Variants in STX7 observed in about 807,000 individuals in gnomAD.
STX7 encodes syntaxin-7.
A neutral mutation model predicts 39.6 loss-of-function variants in STX7; 34 were observed. The ratio of observed to expected loss-of-function variants is 0.86; its 90% CI spans 0.65 to 1.14. STX7 has a LOEUF of 1.14. Ranked by LOEUF, STX7 falls within the 50% of genes most tolerant of loss-of-function variation. STX7 has a pLI of 0.00. For missense variants in STX7, 284 were observed against 310.4 expected, an observed-to-expected ratio of 0.92 and a Z score of 0.64; for synonymous variants, 119 against 99.1, an observed-to-expected ratio of 1.20 and a Z score of -1.19.
intron 2 of STX7, among the ~76,000 whole-genome samples, chr6:132,488,092 C>T (rs1416805239): frequency 1.3e-5 from 2 of 152,146 alleles, no homozygotes; most frequent in African/African-American, 2.4e-5. Flanking sequence ...CTTTCATTTA[C>T]GTTCAGTTCA....
Position 132,459,213 on chromosome 6 carries a change from AAC to A in STX7, c.*1543_*1544del, listed in dbSNP as rs1171930631. 6.6e-6 allele frequency: 1 copy of A among 152,216 alleles called. No homozygotes were observed. Among genetic ancestry groups the A allele is most frequent in the Non-Finnish European group, 1.5e-5 (1 of 68,056 alleles). 9.4% of individuals were successfully genotyped at this position (152,216 alleles called of 1,614,324 possible). On this transcript the variant is annotated 3_prime_UTR_variant, in exon 10 of 10. Transcript: ENST00000367941. ...TGTTCTAGGGCAGTCTGATTCTGGC[AAC>A]AGGAGTCTCTAAGTTCCAATCACTC...
At chr6:132,486,762 T>G (rs1209026794) in intron 2 of STX7, among the ~76,000 whole-genome samples, 1 of 150,160 alleles carries the variant, frequency 6.7e-6, no homozygotes, top group Admixed American at 6.7e-5. Flanking sequence ...CTGCTGCCAG[T>G]TCAAGCGATT....
intron 2 of STX7, among the ~76,000 whole-genome samples, chr6:132,492,864 T>A (rs560493615): frequency 9.2e-5 from 14 of 152,308 alleles, no homozygotes; most frequent in African/African-American, 3.4e-4. Context: ...CAAAGCAGGG[T>A]ATATAGGAAA....
Position 132,457,987 on chromosome 6 carries a change from T to C in STX7, c.*2771A>G, listed in dbSNP as rs1321819189. 1 of 152,242 alleles carries C rather than the reference T, an allele frequency of 6.6e-6. No homozygotes were observed. Among genetic ancestry groups the C allele is most frequent in the Non-Finnish European group, 1.5e-5 (1 of 68,044 alleles). 9.4% of individuals were successfully genotyped at this position (152,242 alleles called of 1,614,324 possible). ...TTCTACATGAAGACACAAATAAAAA[T>C]TATACCAACTACATAAACTATTTTG... On this transcript the variant is annotated 3_prime_UTR_variant, in exon 10 of 10. Coordinates refer to ENST00000367941, the MANE Select transcript of STX7 (RefSeq NM_003569.3).
chr6:132,469,453 C>G (rs1472588893), intron 7 of STX7, among the ~76,000 whole-genome samples: 2 of 152,056 alleles, frequency 1.3e-5, no homozygotes, highest in Non-Finnish European at 2.9e-5. Context: ...ATCCCTCGTC[C>G]TAGCACAAAC....
intron 7 of STX7, 139 bp from the exon 8 acceptor site, chr6:132,468,614 T>G: frequency 1.9e-6 from 1 of 527,648 alleles, no homozygotes; most frequent in African/African-American, 2.0e-5. Flanking sequence ...TACATAAACT[T>G]TGGAAATATC....
rs1436627448 is a variant in STX7 at position 132,457,760 on chromosome 6, C to T, written c.*2998G>A. ...ATGAACTTGAAAATGTCATTCAACT[C>T]AAATCCCTCAATCAACTTACTTCAG... On this transcript the variant is annotated 3_prime_UTR_variant, in exon 10 of 10. Coordinates refer to ENST00000367941, the MANE Select transcript of STX7 (RefSeq NM_003569.3). The T allele has an allele frequency of 6.6e-6, 1 of 152,096 alleles. No homozygotes were observed. The highest frequency in any genetic ancestry group is 6.6e-5 in the Admixed American group (1 of 15,266). The allele number at this position is 152,096 out of a possible 1,614,324, so 9.4% of individuals were successfully genotyped here.
chr6:132,472,199 T>C (rs1468712653), intron 4 of STX7, 83 bp downstream of exon 4: 6 of 987,502 alleles, frequency 6.1e-6, no homozygotes, highest in Admixed American at 2.7e-5. Context: ...ATTTCCTTTC[T>C]AGCGTAACAG....
Position 132,475,668 on chromosome 6 carries a change from A to G in STX7, c.86-6T>C, listed in dbSNP as rs1336686925. On this transcript the variant is annotated splice_region_variant and splice_polypyrimidine_tract_variant and intron_variant, in intron 2 of 9. Transcript: ENST00000367941. ...AGTTCTTTGTATTTCCACAGCTATT[A>G]TAATAGAAAATTCATGTATTAATTG... The G allele has an allele frequency of 1.9e-6, 3 of 1,587,770 alleles. No homozygotes were observed. Among genetic ancestry groups the G allele is most frequent in the Non-Finnish European group, 2.6e-6 (3 of 1,164,312 alleles).
intron 9 of STX7, chr6:132,461,666 T>C (rs1774405342): frequency 4.5e-6 from 3 of 659,384 alleles, no homozygotes; most frequent in Non-Finnish European, 7.4e-6. Context: ...GTTTCCAAAA[T>C]CATTCTCATT....
At chr6:132,507,573 C>T (rs1775736595) in intron 1 of STX7, among the ~76,000 whole-genome samples, 1 of 152,170 alleles carries the variant, frequency 6.6e-6, no homozygotes, top group African/African-American at 2.4e-5. Context: ...ATGTGTTCTT[C>T]GAGACTAGCT....
intron 1 of STX7, among the ~76,000 whole-genome samples, chr6:132,511,789 G>A (rs1263867613): frequency 6.6e-6 from 1 of 152,030 alleles, no homozygotes; most frequent in Non-Finnish European, 1.5e-5. Flanking sequence ...TGGAATCACA[G>A]CAAACTTCAC....
intron 2 of STX7, among the ~76,000 whole-genome samples, chr6:132,484,305 T>C (rs1218955043): frequency 6.6e-6 from 1 of 152,224 alleles, no homozygotes; most frequent in Non-Finnish European, 1.5e-5. Context: ...CTGGCTCTTC[T>C]ACAGCAATGA....
At chr6:132,461,853 T>A in intron 9 of STX7, 2 of 1,541,624 alleles carry the variant, frequency 1.3e-6, no homozygotes, top group Middle Eastern at 1.7e-4. Context: ...CATGCAGGAA[T>A]CCTTTTTCTT....
intron 1 of STX7, among the ~76,000 whole-genome samples, chr6:132,504,169 T>G (rs1209104195): frequency 6.6e-6 from 1 of 152,174 alleles, no homozygotes; most frequent in African/African-American, 2.4e-5. Flanking sequence ...AACCTTAATA[T>G]CTAATTTAAC....
intron 2 of STX7, among the ~76,000 whole-genome samples, chr6:132,499,129 C>T (rs1582679066): frequency 1.5e-5 from 2 of 131,328 alleles, no homozygotes; most frequent in East Asian, 4.2e-4. Flanking sequence ...GCTAGTGGTC[C>T]ATTCCCATGC....
chr6:132,448,376 G>A lies in STX7; in HGVS notation c.*12382C>T, dbSNP rs1357656778. 2 of 152,088 alleles carry A rather than the reference G, an allele frequency of 1.3e-5. No homozygotes were observed. The highest frequency in any genetic ancestry group is 2.9e-5 in the Non-Finnish European group (2 of 68,020). 9.4% of individuals were successfully genotyped at this position (152,088 alleles called of 1,614,324 possible). A position where few individuals can be genotyped will look rare whatever the true frequency, so the allele number is the denominator to read the frequency against. ...CTCTAAAATTCATCTTTATTCTTAA[G>A]TGAAAGTCCCTTGTTTGTAAATTCT... On this transcript the variant is annotated 3_prime_UTR_variant, in exon 10 of 10. Coordinates refer to ENST00000367941, the MANE Select transcript of STX7 (RefSeq NM_003569.3).
At chr6:132,465,889 T>C (rs1774553404) in intron 8 of STX7, among the ~76,000 whole-genome samples, 1 of 152,180 alleles carries the variant, frequency 6.6e-6, no homozygotes, top group South Asian at 2.1e-4. Context: ...TCCAGCAAAC[T>C]TCCTCTCTCT....
At chr6:132,466,565 G>A (rs970118502) in intron 8 of STX7, among the ~76,000 whole-genome samples, 1 of 152,050 alleles carries the variant, frequency 6.6e-6, no homozygotes, top group Non-Finnish European at 1.5e-5. Flanking sequence ...AGGATCCAGG[G>A]CTAAGTCCTC....
Sources: allele counts gnomAD v4.1 joint callset (sites outside exome capture counted in the v4.1 genomes callset), GRCh38; gene constraint gnomAD v4.1.1; transcripts MANE v1.5; gene names NCBI Gene and HGNC (gene_info 2026-07-23, HGNC 2026-07-21).